SAMD5: variants seen among roughly 807,000 people sequenced by gnomAD.
The protein encoded by SAMD5 is sterile alpha motif domain containing 5.
A neutral mutation model predicts 11.3 loss-of-function variants in SAMD5; 13 were observed. That is an observed-to-expected ratio of 1.15 (90% confidence interval 0.75 to 1.83). The LOEUF (loss-of-function observed/expected upper bound fraction) is 1.83, where lower values mean the gene tolerates loss of function less well. SAMD5 is among the 40% of genes most tolerant of loss of function. The pLI, the probability that SAMD5 is intolerant of heterozygous loss-of-function variation, is 0.00. For synonymous variants in SAMD5, 129 were observed against 111.3 expected (o/e 1.16, Z -1.00); for missense variants, 255 against 239.1 (o/e 1.07, Z -0.44).
the SAMD5 span, among the ~76,000 whole-genome samples, chr6:147,940,831 G>A: frequency 4.6e-5 from 7 of 152,104 alleles, no homozygotes; most frequent in Non-Finnish European, 8.8e-5. Flanking sequence ...GCATGATGGT[G>A]CATGCCTGTA....
chr6:147,603,553 C>A (rs769178463), intron 1 of SAMD5, among the ~76,000 whole-genome samples: 3 of 152,096 alleles, frequency 2.0e-5, no homozygotes, highest in Non-Finnish European at 4.4e-5. Flanking sequence ...AATGTGACAG[C>A]CTCTCAGTGG....
intron 1 of SAMD5, among the ~76,000 whole-genome samples, chr6:147,707,815 A>G (rs1177156885): frequency 6.6e-6 from 1 of 152,084 alleles, no homozygotes; most frequent in East Asian, 1.9e-4. Context: ...TCTGGTGGAA[A>G]AGTATTTTTC....
chr6:147,839,438 A>G, the SAMD5 span, among the ~76,000 whole-genome samples: 1 of 152,146 alleles, frequency 6.6e-6, no homozygotes, highest in African/African-American at 2.4e-5. Flanking sequence ...CAATTCAGAG[A>G]CTTGTCGATT....
the SAMD5 span, among the ~76,000 whole-genome samples, chr6:147,888,186 T>A: frequency 6.6e-6 from 1 of 152,288 alleles, no homozygotes; most frequent in African/African-American, 2.4e-5. Context: ...CTTTTATAGA[T>A]CATGCTTTTG....
chr6:147,776,538 T>A, the SAMD5 span, among the ~76,000 whole-genome samples: 1 of 152,328 alleles, frequency 6.6e-6, no homozygotes, highest in East Asian at 1.9e-4. Flanking sequence ...AATGTGTTTC[T>A]CTCTTCACAT....
the SAMD5 span, among the ~76,000 whole-genome samples, chr6:147,870,730 T>G: frequency 1.5e-5 from 2 of 131,212 alleles, no homozygotes; most frequent in South Asian, 2.5e-4. Flanking sequence ...GGAGAGGAAA[T>G]CTGGAGGCGA....
intron 1 of SAMD5, among the ~76,000 whole-genome samples, chr6:147,652,305 G>GT (rs928708125): frequency 2.6e-4 from 39 of 151,034 alleles, no homozygotes; most frequent in Non-Finnish European, 4.6e-4. Context: ...TGGTTGGTTG[G>GT]TTTTTTTTTA....
In SAMD5 at chr6:147,627,770, G is replaced by A. The variant is rs773598046; in HGVS notation, c.163-109547G>A. Among the ~76,000 whole-genome samples the A allele has an allele frequency of 6.9e-4, 105 of 152,166 alleles. 1 individual carries two copies. Among genetic ancestry groups the A allele is most frequent in the Non-Finnish European group, 1.2e-3 (79 of 68,032 alleles). ...CTCTGTATCTGGATGACAGCCTAAA[G>A]CATTGCTCGCCGTATACCTGGATAA... On this transcript the variant is annotated intron_variant, in intron 1 of 1. Coordinates refer to the SAMD5 transcript ENST00000566741.
chr6:147,797,864 T>A, the SAMD5 span, among the ~76,000 whole-genome samples: 1 of 151,436 alleles, frequency 6.6e-6, no homozygotes, highest in African/African-American at 2.4e-5. Flanking sequence ...GTAGAGGTTT[T>A]GTAGTATTCT....
chr6:147,874,092 GCTTA>G, the SAMD5 span, among the ~76,000 whole-genome samples: 2 of 152,292 alleles, frequency 1.3e-5, no homozygotes, highest in East Asian at 3.9e-4. Flanking sequence ...ATGATACTAT[GCTTA>G]CTTAATTGCT....
At chr6:147,642,405 G>A (rs377544070) in intron 1 of SAMD5, among the ~76,000 whole-genome samples, 1 of 152,142 alleles carries the variant, frequency 6.6e-6, no homozygotes, top group African/African-American at 2.4e-5. Flanking sequence ...TGAGAGAGTT[G>A]TATGAGATGA....
chr6:147,797,072 C>T, the SAMD5 span, among the ~76,000 whole-genome samples: 1 of 108,336 alleles, frequency 9.2e-6, no homozygotes, highest in African/African-American at 4.8e-5. Flanking sequence ...CTTCTCCTGC[C>T]TAATTGCCCT....
At chr6:147,635,109 G>C (rs1790208657) in intron 1 of SAMD5, among the ~76,000 whole-genome samples, 1 of 152,104 alleles carries the variant, frequency 6.6e-6, no homozygotes, top group South Asian at 2.1e-4. Flanking sequence ...ACATAGCTTT[G>C]TTCCATTAGT....
At chr6:147,671,590 G>A (rs1426158877) in intron 1 of SAMD5, among the ~76,000 whole-genome samples, 2 of 152,146 alleles carry the variant, frequency 1.3e-5, no homozygotes, top group South Asian at 2.1e-4. Context: ...TAGCATAAGA[G>A]AACATTGTTT....
intron 1 of SAMD5, among the ~76,000 whole-genome samples, chr6:147,710,919 A>G (rs1254491097): frequency 1.3e-5 from 2 of 151,870 alleles, no homozygotes; most frequent in Non-Finnish European, 2.9e-5. Context: ...TTATATATAC[A>G]CTACCTAGCT....
intron 1 of SAMD5, among the ~76,000 whole-genome samples, chr6:147,557,444 C>T (rs2128443722): frequency 6.6e-6 from 1 of 152,330 alleles, no homozygotes; most frequent in Non-Finnish European, 1.5e-5. Flanking sequence ...ATGCTGCCTC[C>T]AGAGCCTCTA....
Position 147,566,898 on chromosome 6 carries a change from A to C in SAMD5, c.*2442A>C. The C allele has an allele frequency of 2.1e-6, 2 of 955,992 alleles. No individual in the cohort carries two copies. The highest frequency in any genetic ancestry group is 2.5e-6 in the Non-Finnish European group (2 of 803,524). 59.2% of individuals were successfully genotyped at this position (955,992 alleles called of 1,614,324 possible). ...GTATCTGGGGACAGTTAGTCTTAGA[A>C]GGAGTAATTTTTTCAGCGTTTTTCC... is the stretch of plus-strand genomic sequence containing the variant. On this transcript the variant is annotated 3_prime_UTR_variant, in exon 2 of 2. Coordinates refer to ENST00000367474, the MANE Select transcript of SAMD5 (RefSeq NM_001030060.3).
intron 1 of SAMD5, among the ~76,000 whole-genome samples, chr6:147,718,339 C>T (rs774365429): frequency 4.6e-5 from 7 of 152,062 alleles, no homozygotes; most frequent in Admixed American, 2.0e-4. Flanking sequence ...CTGGAGAATG[C>T]GGATGTCTCC....
chr6:147,802,299 G>A, the SAMD5 span, among the ~76,000 whole-genome samples: 1 of 152,062 alleles, frequency 6.6e-6, no homozygotes, highest in Admixed American at 6.5e-5. Context: ...GCCAGTAATA[G>A]CACAGGAAAG....
Sources: allele counts gnomAD v4.1 joint callset (sites outside exome capture counted in the v4.1 genomes callset), GRCh38; gene constraint gnomAD v4.1.1; transcripts MANE v1.5; gene names NCBI Gene and HGNC (gene_info 2026-07-23, HGNC 2026-07-21).